The following FAM20C variants were observed in gnomAD, a reference collection of about 807,000 sequenced individuals.
FAM20C encodes the protein extracellular serine/threonine protein kinase FAM20C.
FAM20C carries 40 observed loss-of-function variants against 51.5 expected under a neutral mutation model. The ratio of observed to expected loss-of-function variants is 0.78; its 90% CI spans 0.60 to 1.01. The LOEUF (loss-of-function observed/expected upper bound fraction) is 1.01, where lower values mean the gene tolerates loss of function less well. Ranked by LOEUF, FAM20C falls within the 50% of genes least tolerant of loss-of-function variation. The pLI is 0.00. For synonymous variants in FAM20C, 406 were observed against 380.6 expected (o/e 1.07, Z -0.78); for missense variants, 861 against 844.7 (o/e 1.02, Z -0.24).
At chr7:215,191 G>C (rs1436764698) in intron 3 of FAM20C, among the ~76,000 whole-genome samples, 3 of 150,530 alleles carry the variant, frequency 2.0e-5, no homozygotes, top group Non-Finnish European at 4.4e-5. Flanking sequence ...CGGAGTGAGC[G>C]AGTGAGCACC....
At chr7:231,538 C>CCGGCGTGGAGGACTCT (rs1170082233) in intron 3 of FAM20C, among the ~76,000 whole-genome samples, 2 of 151,314 alleles carry the variant, frequency 1.3e-5, no homozygotes, top group Admixed American at 1.3e-4. Context: ...TGGAGGGCTC[C>CCGGCGTGGAGGACTCT]GTGGGAGGAG....
intron 3 of FAM20C, chr7:229,241 C>T (rs998093109): frequency 6.3e-5 from 15 of 238,068 alleles, no homozygotes; most frequent in Admixed American, 2.5e-4. Context: ...ATGAGGCAGC[C>T]CCCTTTTCTG....
chr7:242,306 T>C (rs1448541057), intron 3 of FAM20C, among the ~76,000 whole-genome samples: 2 of 152,242 alleles, frequency 1.3e-5, no homozygotes, highest in Non-Finnish European at 2.9e-5. Flanking sequence ...GGAGATGTGC[T>C]GTCTGTGGGT....
At chr7:236,299 G>A (rs1435602890) in intron 3 of FAM20C, among the ~76,000 whole-genome samples, 6 of 152,228 alleles carry the variant, frequency 3.9e-5, no homozygotes, top group Admixed American at 3.3e-4. Context: ...CAACCTTGCA[G>A]GTGCAGGGAG....
chr7:257,126 G>C, intron 8 of FAM20C, 40 bp downstream of exon 8: 1 of 1,525,194 alleles, frequency 6.6e-7, no homozygotes, highest in Non-Finnish European at 8.8e-7. Context: ...GGGAAGGGCC[G>C]GCCACCTCCC....
chr7:229,117 G>T, intron 3 of FAM20C: 1 of 339,540 alleles, frequency 2.9e-6, no homozygotes, highest in Non-Finnish European at 5.9e-6. Flanking sequence ...CCCAGGAGGG[G>T]CCCTTCACGT....
chr7:222,433 A>G (rs905051967), intron 3 of FAM20C, among the ~76,000 whole-genome samples: 14 of 152,088 alleles, frequency 9.2e-5, no homozygotes, highest in African/African-American at 3.4e-4. Context: ...AAGGGAGTGG[A>G]TTGCCCTGGC....
chr7:198,290 G>C lies in FAM20C; in HGVS notation c.784+2558G>C, dbSNP rs554466062. 1.6e-4 allele frequency among the ~76,000 whole-genome samples: 24 copies of C among 152,310 alleles called. 1 individual carries two copies. Among genetic ancestry groups the C allele is most frequent in the Admixed American group, 1.0e-3 (16 of 15,306 alleles). ...CTGGGGGTGAATCCTGGCTCTGCCA[G>C]CCATTAGCCAGAGTGGAAGTGGGCA... is the stretch of plus-strand genomic sequence containing the variant. On this transcript the variant is annotated intron_variant, in intron 2 of 9. Transcript: ENST00000313766.
intron 3 of FAM20C, among the ~76,000 whole-genome samples, chr7:218,418 C>A (rs1396605907): frequency 6.6e-6 from 1 of 152,230 alleles, no homozygotes; most frequent in African/African-American, 2.4e-5. Context: ...CCGCACTGAC[C>A]CTCGGGTGTG....
chr7:221,042 C>G (rs1287324020), intron 3 of FAM20C, among the ~76,000 whole-genome samples: 12 of 13,832 alleles, frequency 8.7e-4, no homozygotes, highest in South Asian at 4.1e-3. Flanking sequence ...CAGGGCGGAG[C>G]CTCGTCTCCA....
intron 9 of FAM20C, 21 bp from the exon 10 acceptor site, chr7:259,710 T>C (rs1274292418): frequency 6.6e-7 from 1 of 1,525,360 alleles, no homozygotes; most frequent in South Asian, 1.2e-5. Flanking sequence ...GTGCCAGGCC[T>C]GATGCCCCTC....
chr7:236,754 C>T (rs940981006), intron 3 of FAM20C, among the ~76,000 whole-genome samples: 13 of 148,990 alleles, frequency 8.7e-5, no homozygotes, highest in South Asian at 2.1e-4. Flanking sequence ...CGGTGGCTGT[C>T]GGGGTTTCAT....
intron 8 of FAM20C, among the ~76,000 whole-genome samples, chr7:258,178 CTGAGGTGCTGGAGATAGG>C (rs1788699167): frequency 8.3e-6 from 1 of 120,068 alleles, no homozygotes; most frequent in Admixed American, 7.9e-5. Flanking sequence ...GACCCACTGC[CTGAGGTGCTGGAGATAGG>C]CAGGGTGGAC....
chr7:223,122 C>T (rs1322405587), intron 3 of FAM20C, among the ~76,000 whole-genome samples: 2 of 152,078 alleles, frequency 1.3e-5, no homozygotes, highest in African/African-American at 4.8e-5. Flanking sequence ...TGAATGGAAC[C>T]CGTGTGTGTT....
At chr7:195,520 C>T (rs1169840122) in intron 1 of FAM20C, 34 bp from the exon 2 acceptor site, 1 of 1,482,836 alleles carries the variant, frequency 6.7e-7, no homozygotes, top group Non-Finnish European at 9.0e-7. Context: ...CCTGTTCTTT[C>T]CATGCTGATG....
At chr7:235,757 C>T (rs1445375652) in intron 3 of FAM20C, among the ~76,000 whole-genome samples, 10 of 152,160 alleles carry the variant, frequency 6.6e-5, no homozygotes, top group Non-Finnish European at 8.8e-5. Flanking sequence ...CAGTGGTGGA[C>T]GGGGCTGCCC....
chr7:235,678 T>C (rs941916375), intron 3 of FAM20C, among the ~76,000 whole-genome samples: 1 of 152,334 alleles, frequency 6.6e-6, no homozygotes, highest in South Asian at 2.1e-4. Flanking sequence ...TTGGAGTTGC[T>C]GGAGCAGCCG....
intron 5 of FAM20C, among the ~76,000 whole-genome samples, chr7:254,554 G>A (rs1057444763): frequency 1.1e-4 from 16 of 152,236 alleles, no homozygotes; most frequent in Admixed American, 3.3e-4. Flanking sequence ...CACTGCTAGC[G>A]GGCCTGGACA....
intron 3 of FAM20C, among the ~76,000 whole-genome samples, chr7:217,748 G>A (rs897602263): frequency 2.6e-5 from 4 of 152,168 alleles, no homozygotes; most frequent in African/African-American, 7.2e-5. Context: ...AAAGACGGGA[G>A]AACAATGACC....
Sources: allele counts gnomAD v4.1 joint callset (sites outside exome capture counted in the v4.1 genomes callset), GRCh38; gene constraint gnomAD v4.1.1; transcripts MANE v1.5; gene names NCBI Gene and HGNC (gene_info 2026-07-23, HGNC 2026-07-21).